The following FGD5 variants were observed in gnomAD, a reference collection of about 807,000 sequenced individuals.
FGD5 encodes the protein FYVE, RhoGEF and PH domain containing 5.
FGD5 carries 28 observed loss-of-function variants against 133.4 expected under a neutral mutation model. The ratio of observed to expected loss-of-function variants is 0.21; its 90% CI spans 0.16 to 0.29. The LOEUF is 0.29. FGD5 is among the 10% of genes least tolerant of loss of function. The pLI is 1.00. For missense variants in FGD5, 1,858 were observed against 1,895.2 expected (o/e 0.98, Z 0.36); for synonymous variants, 810 against 776.5 (o/e 1.04, Z -0.72).
chr3:14,834,708 G>A (rs2036781864), intron 1 of FGD5, among the ~76,000 whole-genome samples: 1 of 152,202 alleles, frequency 6.6e-6, no homozygotes, highest in African/African-American at 2.4e-5. Flanking sequence ...AGTAGGGGAG[G>A]TGGAAAATGG....
intron 4 of FGD5, among the ~76,000 whole-genome samples, chr3:14,893,405 G>A (rs2125128865): frequency 6.6e-6 from 1 of 152,238 alleles, no homozygotes; most frequent in South Asian, 2.1e-4. Flanking sequence ...AGGTTGGAGT[G>A]CAGTGACACG....
chr3:14,903,966 C>T (rs556401713), intron 9 of FGD5, among the ~76,000 whole-genome samples: 2 of 152,278 alleles, frequency 1.3e-5, no homozygotes, highest in Admixed American at 6.5e-5. Flanking sequence ...TATGGCAGGA[C>T]GCCCTTCTGG....
intron 2 of FGD5, among the ~76,000 whole-genome samples, chr3:14,872,280 TCA>T (rs749422323): frequency 6.6e-6 from 1 of 152,076 alleles, no homozygotes; most frequent in African/African-American, 2.4e-5. Flanking sequence ...ATGTTGTATG[TCA>T]CACTTTAAAA....
In FGD5 at chr3:14,921,910, G is replaced by T; in HGVS notation, c.3570-8G>T. Reference sequence around the variant, plus strand: ...CCTGCCTTTGCTCACTCCAGCCCATGCCCGCAGCTCCTGTGCAGAGAGGGA... The same window carrying T: ...CCTGCCTTTGCTCACTCCAGCCCATTCCCGCAGCTCCTGTGCAGAGAGGGA... On this transcript the variant is annotated splice_region_variant and splice_polypyrimidine_tract_variant and intron_variant, in intron 13 of 19. Transcript: ENST00000285046. 1 of 1,559,350 alleles carries T rather than the reference G, an allele frequency of 6.4e-7. No homozygotes were observed. Among genetic ancestry groups the T allele is most frequent in the Non-Finnish European group, 8.7e-7 (1 of 1,151,430 alleles).
At chr3:14,881,649 TG>T (rs1457681815) in intron 4 of FGD5, among the ~76,000 whole-genome samples, 5 of 152,212 alleles carry the variant, frequency 3.3e-5, no homozygotes, top group African/African-American at 1.2e-4. Flanking sequence ...ACTCTTGCCA[TG>T]GTTGAGCACT....
At chr3:14,844,167 C>G (rs1330329409) in intron 1 of FGD5, among the ~76,000 whole-genome samples, 1 of 126,086 alleles carries the variant, frequency 7.9e-6, no homozygotes, top group Non-Finnish European at 1.7e-5. Flanking sequence ...TGTCCTGACC[C>G]TTTCAGCTGT....
intron 4 of FGD5, among the ~76,000 whole-genome samples, chr3:14,882,061 T>C (rs1193449846): frequency 6.6e-6 from 1 of 152,162 alleles, no homozygotes. Context: ...CGGCCCCTCA[T>C]TTTTGTGCCC....
rs1449194386 is a variant in FGD5, at chr3:14,922,414, C to T, written c.3673C>T (p.Arg1225Ter). 6.4e-7 allele frequency: 1 copy of T among 1,565,260 alleles called. No individual in the cohort carries two copies. Among genetic ancestry groups the T allele is most frequent in the East Asian group, 2.4e-5 (1 of 42,126 alleles). The change falls in exon 15 of 20, where the codon CGA becomes TGA. Residue 1225 changes from arginine to a stop codon, truncating the protein, a stop_gained. Transcript: ENST00000285046. LOFTEE classifies it high-confidence loss of function. The surrounding 1 kb of genome is among the most constrained non-coding windows in gnomAD (Gnocchi z 4.1). ...TCAGCCAATTCTGTTGCTGCAGATA[C>T]GAGAGAGGCTGGGGGTTAGCCTTGG... Reference protein sequence around the residue: ...LAAFHHSVEIRERLGVSLGER... With the variant: ...LAAFHHSVEI
intron 18 of FGD5, 58 bp from the exon 19 acceptor site, chr3:14,932,519 G>A (rs1393201477): frequency 1.9e-6 from 3 of 1,564,618 alleles, no homozygotes; most frequent in Admixed American, 2.0e-5. Context: ...GGAGATAACA[G>A]TAAATGACTA....
intron 1 of FGD5, among the ~76,000 whole-genome samples, chr3:14,860,808 T>TA (rs34317529): frequency 0.16 from 24,113 of 148,168 alleles, 2,286 homozygotes; most frequent in East Asian, 0.39. Context: ...ACCCCTTTTT[T>TA]AAAAAAAAAA....
At chr3:14,930,969 TTTG>T (rs1260150766) in intron 18 of FGD5, 1 of 152,116 alleles carries the variant, frequency 6.6e-6, no homozygotes, top group Non-Finnish European at 1.5e-5. Context: ...TAGTAGTTAT[TTTG>T]TTTTTTTTCT....
intron 4 of FGD5, among the ~76,000 whole-genome samples, chr3:14,885,406 A>G (rs2037906460): frequency 6.6e-6 from 1 of 152,160 alleles, no homozygotes; most frequent in Non-Finnish European, 1.5e-5. Context: ...GATTGCCTCC[A>G]GCAAACCTTC....
intron 7 of FGD5, among the ~76,000 whole-genome samples, chr3:14,899,146 G>A (rs2038191647): frequency 6.6e-6 from 1 of 152,126 alleles, no homozygotes; most frequent in Admixed American, 6.5e-5. Flanking sequence ...TGTCATCAAA[G>A]TCCTCTTGGC....
At chr3:14,887,478 G>A (rs1156421044) in intron 4 of FGD5, among the ~76,000 whole-genome samples, 1 of 151,830 alleles carries the variant, frequency 6.6e-6, no homozygotes, top group East Asian at 1.9e-4. Context: ...AGGTTGCAGT[G>A]TACCTTGATC....
At chr3:14,842,916 G>A (rs1488393134) in intron 1 of FGD5, among the ~76,000 whole-genome samples, 2 of 152,150 alleles carry the variant, frequency 1.3e-5, no homozygotes, top group East Asian at 1.9e-4. Context: ...CTGTCTGTGC[G>A]GTCACCTTGT....
At chr3:14,906,062 G>A (rs892890731) in intron 9 of FGD5, among the ~76,000 whole-genome samples, 2 of 152,104 alleles carry the variant, frequency 1.3e-5, no homozygotes, top group Non-Finnish European at 2.9e-5. Flanking sequence ...TGCTTCTCCC[G>A]TGGGTGCTGC....
At chr3:14,893,895 T>A (rs2038084201) in intron 4 of FGD5, among the ~76,000 whole-genome samples, 1 of 151,510 alleles carries the variant, frequency 6.6e-6, no homozygotes, top group African/African-American at 2.4e-5. Context: ...GTAGCTTGGA[T>A]TACAGGCACC....
At chr3:14,867,695 T>C (rs573046903) in intron 2 of FGD5, among the ~76,000 whole-genome samples, 108 of 151,698 alleles carry the variant, frequency 7.1e-4, no homozygotes, top group African/African-American at 2.5e-3. Context: ...TGCAGGAAGA[T>C]TTTTGGTAGG....
Position 14,864,121 on chromosome 3 carries a change from G to C in FGD5, c.2526-7G>C, listed in dbSNP as rs1473409228. The C allele has an allele frequency of 6.2e-7, 1 of 1,609,818 alleles. No individual in the cohort carries two copies. The highest frequency in any genetic ancestry group is 1.1e-5 in the South Asian group (1 of 90,522). ...CTTTAACCCTTCTTTCCCCTGCTTTGACCCAGCGCCTACACAGAGCCCTAC... is the reference window on the plus strand; with the variant it reads ...CTTTAACCCTTCTTTCCCCTGCTTTCACCCAGCGCCTACACAGAGCCCTAC... On this transcript the variant is annotated splice_polypyrimidine_tract_variant and splice_region_variant and intron_variant, in intron 1 of 19. Transcript: ENST00000285046.
Sources: allele counts gnomAD v4.1 joint callset (sites outside exome capture counted in the v4.1 genomes callset), GRCh38; gene constraint gnomAD v4.1.1; non-coding constraint Gnocchi (gnomAD v3.1); transcripts MANE v1.5; gene names NCBI Gene and HGNC (gene_info 2026-07-23, HGNC 2026-07-21).